Variants in CD163 observed in about 807,000 individuals in gnomAD.
CD163 encodes the protein scavenger receptor cysteine-rich type 1 protein M130.
CD163 carries 64 observed loss-of-function variants against 129.2 expected under a neutral mutation model. That is an observed-to-expected ratio of 0.50 (90% CI 0.41 to 0.61). CD163 has a LOEUF of 0.61. Among genes scored for constraint, CD163 ranks in the 20% least tolerant of loss-of-function variants. The probability of loss-of-function intolerance (pLI) is 0.00; values close to 1 mark genes in which losing one functional copy is unlikely to be tolerated. For synonymous variants in CD163, 446 were observed against 478.5 expected, an observed-to-expected ratio of 0.93 and a Z score of 0.89; for missense variants, 1,061 against 1,377.9, an observed-to-expected ratio of 0.77 and a Z score of 3.64.
intron 14 of CD163, among the ~76,000 whole-genome samples, chr12:7,482,324 AC>A (rs1384941832): frequency 6.6e-6 from 1 of 152,180 alleles, no homozygotes; most frequent in African/African-American, 2.4e-5. Context: ...CATCAATGCA[AC>A]CTAAACCCCT....
intron 6 of CD163, among the ~76,000 whole-genome samples, chr12:7,492,182 T>C (rs754216881): frequency 6.6e-6 from 1 of 151,922 alleles, no homozygotes. Flanking sequence ...TAGAAGAACT[T>C]CCAAAACCTA....
intron 16 of CD163, among the ~76,000 whole-genome samples, chr12:7,475,097 C>CAAAAAAAAAAAAAAAAAAAAAA (rs58901449): frequency 3.2e-5 from 3 of 94,020 alleles, no homozygotes; most frequent in African/African-American, 1.3e-4. Flanking sequence ...GCCTACCAAC[C>CAAAAAAAAAAAAAAAAAAAAAA]AAAAAAAAAA....
chr12:7,471,106 T>G lies in CD163; in HGVS notation c.*323A>C, dbSNP rs1383836373. On this transcript the variant is annotated 3_prime_UTR_variant, in exon 17 of 17. Transcript: ENST00000432237. The stretch of plus-strand genomic sequence containing the variant: ...ACACATTATAATACATCTAGGAAAC[T>G]CTACAAAAAATTAGGAAGCCCATTT... 2 of 152,022 alleles carry G rather than the reference T, an allele frequency of 1.3e-5. No individual in the cohort carries two copies. Among genetic ancestry groups the G allele is most frequent in the Admixed American group, 6.6e-5 (1 of 15,258 alleles). 9.4% of individuals were successfully genotyped at this position (152,022 alleles called of 1,614,324 possible).
chr12:7,483,492 G>A lies in CD163; in HGVS notation c.2963C>T (p.Thr988Ile). 6.2e-7 allele frequency: 1 copy of A among 1,614,036 alleles called. No homozygotes were observed. Among genetic ancestry groups the A allele is most frequent in the Non-Finnish European group, 8.5e-7 (1 of 1,179,998 alleles). ...AFKEAEFGQG[T>I]GPIWLNEVKC... Reference sequence around the variant, plus strand: ...CACTTCATTGAGCCATATCGGTCCAGTCCCCTGACCAAACTCTGCTTCTTT... The same window carrying A: ...CACTTCATTGAGCCATATCGGTCCAATCCCCTGACCAAACTCTGCTTCTTT... The change falls in exon 12 of 17, where the codon ACT (threonine) becomes ATT (isoleucine). Residue 988 changes from threonine to isoleucine, a missense_variant. Transcript: ENST00000432237.
In CD163 at chr12:7,495,364, G is replaced by A; in HGVS notation, c.1137C>T (p.Gly379=). 1 of 1,614,044 alleles carries A rather than the reference G, an allele frequency of 6.2e-7. No individual in the cohort carries two copies. Among genetic ancestry groups the A allele is most frequent in the Non-Finnish European group, 8.5e-7 (1 of 1,180,004 alleles). The change falls in exon 6 of 17, where the codon GGC becomes GGT. Residue 379 remains glycine, a synonymous_variant. Coordinates refer to ENST00000432237, the MANE Select transcript of CD163 (RefSeq NM_203416.4). ...SDLELRLRGG[G]SRCAGTVEVE... ...CCTCAACTGTCCCAGCACAGCGGCT[G>A]CCTCCACCTCTAAGTCTTAGCTCCA...
At chr12:7,500,421 CA>C (rs71953455) in intron 3 of CD163, among the ~76,000 whole-genome samples, 47 of 64,116 alleles carry the variant, frequency 7.3e-4, no homozygotes, top group African/African-American at 1.6e-3. Context: ...CAATTCGTCC[CA>C]AAAAAAAAAA....
At position 7,487,531 on chromosome 12, in the gene CD163, A is replaced by C. The variant is rs1225509388; in HGVS notation, c.1878T>G (p.Cys626Trp). The C allele has an allele frequency of 1.7e-5, 28 of 1,614,110 alleles. No individual in the cohort carries two copies. Among genetic ancestry groups the C allele is most frequent in the Non-Finnish European group, 2.2e-5 (26 of 1,180,018 alleles). Reference sequence around the variant, plus strand: ...CTCCTGGGGTAGAAAGGGCAACTCCACATTTAAGCTGCTGGCAAAGAACAT... The same window carrying C: ...CTCCTGGGGTAGAAAGGGCAACTCCCCATTTAAGCTGCTGGCAAAGAACAT... ...DAHVLCQQLK[C>W]GVALSTPGGA... The change falls in exon 8 of 17, where the codon TGT (cysteine) becomes TGG (tryptophan). Residue 626 changes from cysteine to tryptophan, a missense_variant. Coordinates refer to ENST00000432237, the MANE Select transcript of CD163 (RefSeq NM_203416.4). The surrounding 1 kb of genome is among the most constrained non-coding windows in gnomAD (Gnocchi z 5.1).
chr12:7,485,819 G>T lies in CD163; in HGVS notation c.2459-403C>A, dbSNP rs1215602427. ...CATCTCTTAAAATGACAGTTCATTT[G>T]CTGACACTTCACAGTTTTGCAGTGC... On this transcript the variant is annotated intron_variant, in intron 10 of 16. Coordinates refer to ENST00000432237, the MANE Select transcript of CD163 (RefSeq NM_203416.4). The surrounding 1 kb of genome is among the most constrained non-coding windows in gnomAD (Gnocchi z 4.5). Among the ~76,000 whole-genome samples the T allele has an allele frequency of 6.6e-6, 1 of 152,002 alleles. No homozygotes were observed. Among genetic ancestry groups the T allele is most frequent in the Non-Finnish European group, 1.5e-5 (1 of 67,992 alleles).
In CD163 at chr12:7,501,281, AT is replaced by A; in HGVS notation, c.314del (p.Asn105IlefsTer45). ...PTAIKAPGWA[N>X]SSAGSGRIWM... ...AAATGCGTCCAGAACCTGCACTGGA[AT>A]TAGCCCATCCAGGGGCTTTGATAGC... On this transcript the variant is annotated frameshift_variant, in exon 3 of 17. Coordinates refer to ENST00000432237, the MANE Select transcript of CD163 (RefSeq NM_203416.4). LOFTEE classifies it high-confidence loss of function. The A allele has an allele frequency of 6.2e-7, 1 of 1,614,214 alleles. No individual in the cohort carries two copies. The highest frequency in any genetic ancestry group is 8.5e-7 in the Non-Finnish European group (1 of 1,180,028).
chr12:7,485,230 T>A lies in CD163; in HGVS notation c.2645A>T (p.Lys882Met). Reference sequence around the variant, plus strand: ...CACCCACATGGGAATGGACATGGCCTTGTCTAAAGATGCAGGGTTGATTTT... The same window carrying A: ...CACCCACATGGGAATGGACATGGCCATGTCTAAAGATGCAGGGTTGATTTT... ...KGKINPASLD[K>M]AMSIPMWVDN... The change falls in exon 11 of 17, where the codon AAG becomes ATG. Residue 882 changes from lysine to methionine, a missense_variant. By Grantham distance (95) the Lys-to-Met change is moderately conservative. Coordinates refer to ENST00000432237, the MANE Select transcript of CD163 (RefSeq NM_203416.4). This position sits in a 1 kb window ranked among gnomAD's most constrained non-coding sequence, Gnocchi z 4.5. 1 of 1,614,200 alleles carries A rather than the reference T, an allele frequency of 6.2e-7. No individual in the cohort carries two copies. Among genetic ancestry groups the A allele is most frequent in the Non-Finnish European group, 8.5e-7 (1 of 1,180,022 alleles).
chr12:7,499,224 A>G (rs1949445358), intron 3 of CD163, 36 bp from the exon 4 acceptor site: 2 of 1,541,566 alleles, frequency 1.3e-6, no homozygotes, highest in Non-Finnish European at 1.8e-6. Context: ...CAGAAGTTAC[A>G]TTCATTTAGA....
In CD163 at chr12:7,487,969, G is replaced by A. The variant is rs370456843; in HGVS notation, c.1539C>T (p.Ser513=). The A allele has an allele frequency of 1.1e-5, 17 of 1,614,124 alleles. No individual in the cohort carries two copies. The African/African-American group carries it at 1.1e-4, about 10-fold the overall frequency. ...CACACTGTAATTCCCTGCATAGAAC[G>A]CTGGCAGCTTCCAGAGAGAAGTCCG... ...CDSDFSLEAA[S]VLCRELQCGT... The change falls in exon 7 of 17, where the codon AGC becomes AGT. Residue 513 remains serine, a synonymous_variant. Transcript: ENST00000432237. The surrounding 1 kb of genome is among the most constrained non-coding windows in gnomAD (Gnocchi z 5.1).
rs1219169341 is a variant in CD163, at chr12:7,487,545, G to T, written c.1864C>A (p.Gln622Lys). Residue 622 changes from glutamine to lysine, a missense_variant, in exon 8 of 17, where the codon CAG becomes AAG. Transcript: ENST00000432237. The surrounding 1 kb of genome is among the most constrained non-coding windows in gnomAD (Gnocchi z 5.1). The stretch of plus-strand genomic sequence containing the variant: ...AGGGCAACTCCACATTTAAGCTGCT[G>T]GCAAAGAACATGGGCATCTTCTATG... ...WDIEDAHVLC[Q>K]QLKCGVALST... The T allele has an allele frequency of 1.9e-6, 3 of 1,613,962 alleles. No individual in the cohort carries two copies. The highest frequency in any genetic ancestry group is 2.5e-6 in the Non-Finnish European group (3 of 1,180,028).
chr12:7,496,545 T>C lies in CD163; in HGVS notation c.1099+268A>G, dbSNP rs1175405043. Among the ~76,000 whole-genome samples, 1 of 152,194 alleles carries C rather than the reference T, an allele frequency of 6.6e-6. No individual in the cohort carries two copies. Among genetic ancestry groups the C allele is most frequent in the African/African-American group, 2.4e-5 (1 of 41,432 alleles). ...ACAGATTCCTAGGAAATTTTGTCTC[T>C]CTGAGCTCCAGGTAGATTCTGAGTT... On this transcript the variant is annotated intron_variant, in intron 5 of 16. Transcript: ENST00000432237. The surrounding 1 kb of genome is among the most constrained non-coding windows in gnomAD (Gnocchi z 4.8).
At chr12:7,480,916 GCATGGTTCTTTC>G in intron 15 of CD163, 1 of 1,150,892 alleles carries the variant, frequency 8.7e-7, no homozygotes, top group Non-Finnish European at 1.1e-6. Flanking sequence ...ATATTCCTCT[GCATGGTTCTTTC>G]CATACCTCTA....
At chr12:7,499,954 C>A (rs748496273) in intron 3 of CD163, among the ~76,000 whole-genome samples, 2 of 152,254 alleles carry the variant, frequency 1.3e-5, no homozygotes, top group African/African-American at 4.8e-5. Flanking sequence ...AGAGATTTGA[C>A]AACTTGCACA....
In CD163 at chr12:7,487,895, C is replaced by A; in HGVS notation, c.1613G>T (p.Gly538Val). 6.2e-7 allele frequency: 1 copy of A among 1,614,124 alleles called. No individual in the cohort carries two copies. Among genetic ancestry groups the A allele is most frequent in the Non-Finnish European group, 8.5e-7 (1 of 1,180,004 alleles). Residue 538 changes from glycine to valine, a missense_variant, in exon 7 of 17, where the codon GGA becomes GTA. Gly to Val is a moderately radical substitution (Grantham distance 109). Transcript: ENST00000432237. The surrounding 1 kb of genome is among the most constrained non-coding windows in gnomAD (Gnocchi z 5.1). ...LGGAHFGEGN[G>V]QIWAEEFQCE... is the part of the protein sequence containing the mutation. ...CTGGAATTCTTCAGCCCAGATCTGT[C>A]CATTTCCCTCTCCAAAGTGAGCTCC... is the stretch of plus-strand genomic sequence containing the variant.
rs1301366213 is a variant in CD163 at position 7,485,048 on chromosome 12, T to C, written c.2779+48A>G. The C allele has an allele frequency of 1.4e-6, 2 of 1,464,958 alleles. No individual in the cohort carries two copies. The highest frequency in any genetic ancestry group is 1.4e-5 in the African/African-American group (1 of 71,872). 90.7% of individuals were successfully genotyped at this position (1,464,958 alleles called of 1,614,324 possible). ...TCCAGTGTCCATTATCAGAAGATGA[T>C]AGCGGGGCTGCAGAATGGAATTTTC... On this transcript the variant is annotated intron_variant, in intron 11 of 16. Coordinates refer to ENST00000432237, the MANE Select transcript of CD163 (RefSeq NM_203416.4). This position sits in a 1 kb window ranked among gnomAD's most constrained non-coding sequence, Gnocchi z 4.5.
At chr12:7,491,657 C>T (rs1041714736) in intron 6 of CD163, among the ~76,000 whole-genome samples, 4 of 151,918 alleles carry the variant, frequency 2.6e-5, no homozygotes, top group African/African-American at 9.7e-5. Flanking sequence ...ATAAAATATA[C>T]AATTATGATT....
Sources: allele counts gnomAD v4.1 joint callset (sites outside exome capture counted in the v4.1 genomes callset), GRCh38; gene constraint gnomAD v4.1.1; non-coding constraint Gnocchi (gnomAD v3.1); transcripts MANE v1.5; gene names NCBI Gene and HGNC (gene_info 2026-07-23, HGNC 2026-07-21).